The following PHF21A variants were observed in gnomAD, a reference collection of about 807,000 sequenced individuals.
PHF21A encodes PHD finger protein 21A, also known as BHC80a.
PHF21A carries 11 observed loss-of-function variants against 82.5 expected under a neutral mutation model. The observed-to-expected ratio is 0.13, with a 90% CI of 0.08 to 0.22. The LOEUF (loss-of-function observed/expected upper bound fraction) is 0.22. Ranked by LOEUF, PHF21A falls within the 10% of genes least tolerant of loss-of-function variation. The pLI is 1.00. For missense variants in PHF21A, 579 were observed against 837.8 expected (o/e 0.69, Z 3.81); for synonymous variants, 297 against 302.8 (o/e 0.98, Z 0.20).
At chr11:46,108,567 GTA>G (rs146891624) in intron 1 of PHF21A, among the ~76,000 whole-genome samples, 1,116 of 62,192 alleles carry the variant, frequency 0.018, 17 homozygotes, top group African/African-American at 0.035. Flanking sequence ...GTGTGTGTGT[GTA>G]TATATATATA....
chr11:46,025,170 G>A (rs1444200777), intron 6 of PHF21A, among the ~76,000 whole-genome samples: 2 of 151,268 alleles, frequency 1.3e-5, no homozygotes, highest in Non-Finnish European at 2.9e-5. Flanking sequence ...ATTTTCTCTG[G>A]GGCATATGTA....
At chr11:45,960,216 A>G (rs750714275) in intron 10 of PHF21A, among the ~76,000 whole-genome samples, 1 of 152,238 alleles carries the variant, frequency 6.6e-6, no homozygotes, top group Non-Finnish European at 1.5e-5. Context: ...AGTCATACAA[A>G]TGCTTGCACA....
intron 3 of PHF21A, among the ~76,000 whole-genome samples, chr11:46,088,664 G>T (rs1374003284): frequency 6.6e-6 from 1 of 152,178 alleles, no homozygotes; most frequent in Admixed American, 6.5e-5. Flanking sequence ...GACTGTTGTG[G>T]TTTAAATAAG....
chr11:46,081,687 T>C (rs1270487500), intron 4 of PHF21A, among the ~76,000 whole-genome samples: 1 of 152,260 alleles, frequency 6.6e-6, no homozygotes. Context: ...TAGGTTACTT[T>C]CCGCCAGAAT....
chr11:45,988,299 CT>C (rs2094563968), intron 6 of PHF21A, among the ~76,000 whole-genome samples: 1 of 152,030 alleles, frequency 6.6e-6, no homozygotes, highest in Non-Finnish European at 1.5e-5. Context: ...ATGAGGATAC[CT>C]TTTAAGAATC....
chr11:46,097,353 A>G (rs1014665886), intron 1 of PHF21A, among the ~76,000 whole-genome samples: 1 of 151,998 alleles, frequency 6.6e-6, no homozygotes, highest in Non-Finnish European at 1.5e-5. Context: ...AAGCCGTCCC[A>G]TCTCCCTATC....
chr11:46,009,065 C>A (rs943639632), intron 6 of PHF21A, among the ~76,000 whole-genome samples: 1 of 151,704 alleles, frequency 6.6e-6, no homozygotes, highest in East Asian at 1.9e-4. Context: ...ACCTCCACCC[C>A]CTGGGTTCAA....
At chr11:46,072,166 T>C (rs2096663665) in intron 6 of PHF21A, among the ~76,000 whole-genome samples, 1 of 152,238 alleles carries the variant, frequency 6.6e-6, no homozygotes, top group South Asian at 2.1e-4. Context: ...AAAATGCTAA[T>C]TATTCCCAGT....
At chr11:46,047,750 CTT>C (rs2096277927) in intron 6 of PHF21A, among the ~76,000 whole-genome samples, 1 of 152,146 alleles carries the variant, frequency 6.6e-6, no homozygotes, top group Non-Finnish European at 1.5e-5. Flanking sequence ...AGAGAAGTCA[CTT>C]TTTCTTTGTG....
At chr11:45,957,751 C>CAAAAAAAAAAAAAAAAAAGAA (rs2092766197) in intron 10 of PHF21A, among the ~76,000 whole-genome samples, 4 of 60,892 alleles carry the variant, frequency 6.6e-5, no homozygotes, top group East Asian at 4.3e-4. Context: ...AAATTCAAAG[C>CAAAAAAAAAAAAAAAAAAGAA]AAAAAAAAAA....
At chr11:45,978,296 G>A (rs910227379) in intron 7 of PHF21A, among the ~76,000 whole-genome samples, 2 of 151,836 alleles carry the variant, frequency 1.3e-5, no homozygotes, top group African/African-American at 2.4e-5. Context: ...GTGAGACTCC[G>A]TCTCAAAAAA....
rs1453655233 is a variant in PHF21A, at chr11:45,932,991, AAG to A, written c.*975_*976del. The A allele has an allele frequency of 2.0e-5, 3 of 152,650 alleles. No individual in the cohort carries two copies. The highest frequency in any genetic ancestry group is 2.1e-4 in the South Asian group (1 of 4,838). 9.5% of individuals were successfully genotyped at this position (152,650 alleles called of 1,614,324 possible). On this transcript the variant is annotated 3_prime_UTR_variant, in exon 19 of 19. Coordinates refer to ENST00000676320, the MANE Select transcript of PHF21A (RefSeq NM_001352027.3). The surrounding 1 kb of genome is among the most constrained non-coding windows in gnomAD (Gnocchi z 4.3). Reference sequence around the variant, plus strand: ...AAAGAACAAAAACAAAAATTAAAGAAAGAGAAAAGAAACGTCTCCATTCAATT... The same window carrying A: ...AAAGAACAAAAACAAAAATTAAAGAAAGAAAAGAAACGTCTCCATTCAATT...
intron 6 of PHF21A, among the ~76,000 whole-genome samples, chr11:45,983,351 C>T (rs2136380286): frequency 6.6e-6 from 1 of 152,148 alleles, no homozygotes; most frequent in Admixed American, 6.5e-5. Context: ...CAGGTCAGAT[C>T]ATATGAGCTG....
intron 6 of PHF21A, among the ~76,000 whole-genome samples, chr11:46,021,408 C>A (rs539004392): frequency 6.6e-6 from 1 of 152,188 alleles, no homozygotes; most frequent in Non-Finnish European, 1.5e-5. Flanking sequence ...AAACTATTAA[C>A]AAGTATACAC....
chr11:45,998,313 A>G (rs918246077), intron 6 of PHF21A, among the ~76,000 whole-genome samples: 3 of 152,182 alleles, frequency 2.0e-5, no homozygotes, highest in Non-Finnish European at 4.4e-5. Context: ...TCACTCTCTC[A>G]TCTTAGATGT....
At chr11:46,119,214 A>T (rs1428219453) in intron 1 of PHF21A, among the ~76,000 whole-genome samples, 1 of 152,124 alleles carries the variant, frequency 6.6e-6, no homozygotes, top group Non-Finnish European at 1.5e-5. Flanking sequence ...TCCCAGCTCG[A>T]GCATCTACAT....
chr11:46,069,519 A>G (rs181189621), intron 6 of PHF21A, among the ~76,000 whole-genome samples: 1 of 114,288 alleles, frequency 8.7e-6, no homozygotes, highest in Admixed American at 1.1e-4. Context: ...GGAGATAGTC[A>G]TATATCAGGT....
intron 9 of PHF21A, among the ~76,000 whole-genome samples, chr11:45,968,979 T>C (rs952045963): frequency 1.3e-5 from 2 of 150,856 alleles, no homozygotes; most frequent in Non-Finnish European, 3.0e-5. Flanking sequence ...CCCTCCCATG[T>C]GCTCTCAGAC....
chr11:46,009,789 GTTC>G (rs1480683223), intron 6 of PHF21A, among the ~76,000 whole-genome samples: 2 of 152,122 alleles, frequency 1.3e-5, no homozygotes, highest in Non-Finnish European at 2.9e-5. Context: ...TGTTTTATGT[GTTC>G]TGCTTTGTCT....
Sources: allele counts gnomAD v4.1 joint callset (sites outside exome capture counted in the v4.1 genomes callset), GRCh38; gene constraint gnomAD v4.1.1; non-coding constraint Gnocchi (gnomAD v3.1); transcripts MANE v1.5; gene names NCBI Gene and HGNC (gene_info 2026-07-23, HGNC 2026-07-21).